SPIRE2: variants seen among roughly 807,000 people sequenced by gnomAD.
The protein encoded by SPIRE2 is spire type actin nucleation factor 2.
A neutral mutation model predicts 80.7 loss-of-function variants in SPIRE2; 76 were observed. The ratio of observed to expected loss-of-function variants is 0.94; its 90% CI spans 0.78 to 1.14. The LOEUF (loss-of-function observed/expected upper bound fraction) is 1.14. SPIRE2 is among the 50% of genes most tolerant of loss of function. The pLI, the probability that SPIRE2 is intolerant of heterozygous loss-of-function variation, is 0.00. For missense variants in SPIRE2, 1,196 were observed against 1,015.3 expected (o/e 1.18, Z -2.42); for synonymous variants, 535 against 432.6 (o/e 1.24, Z -2.94).
intron 7 of SPIRE2, among the ~76,000 whole-genome samples, chr16:89,857,296 C>G (rs1343208188): frequency 6.6e-6 from 1 of 151,720 alleles, no homozygotes; most frequent in Admixed American, 6.6e-5. Flanking sequence ...CCACCACGCC[C>G]GGCTAATTTT....
At chr16:89,866,974 C>T (rs1338784803) in intron 12 of SPIRE2, among the ~76,000 whole-genome samples, 1 of 152,042 alleles carries the variant, frequency 6.6e-6, no homozygotes, top group Non-Finnish European at 1.5e-5. Context: ...AAAATTGAAT[C>T]ACTGTTTAAA....
rs2041763877 is a variant in SPIRE2 at position 89,863,663 on chromosome 16, G to A, written c.1710+53G>A. On this transcript the variant is annotated intron_variant, in intron 11 of 14. Transcript: ENST00000378247. This position sits in a 1 kb window ranked among gnomAD's most constrained non-coding sequence, Gnocchi z 4.3. The stretch of plus-strand genomic sequence containing the variant: ...CTCTTGCCCGCTGGGTCAGGGGCGG[G>A]TGCCGAGAGGGCCAGTTCCCAGGAC... 1.2e-6 allele frequency: 2 copies of A among 1,613,498 alleles called. No homozygotes were observed. Among genetic ancestry groups the A allele is most frequent in the Middle Eastern group, 1.6e-4 (1 of 6,078 alleles).
intron 1 of SPIRE2, among the ~76,000 whole-genome samples, chr16:89,835,342 T>C (rs1038158160): frequency 2.0e-5 from 3 of 152,212 alleles, no homozygotes; most frequent in African/African-American, 7.2e-5. Context: ...TGTGCTACTG[T>C]TGAGATTCGG....
chr16:89,858,698 C>T (rs2041715249), intron 8 of SPIRE2, among the ~76,000 whole-genome samples, 191 bp downstream of exon 8: 1 of 152,212 alleles, frequency 6.6e-6, no homozygotes, highest in Admixed American at 6.5e-5. Flanking sequence ...ATCTTGGCCG[C>T]TCAGAAGGGT....
intron 7 of SPIRE2, among the ~76,000 whole-genome samples, chr16:89,856,611 ATTTT>A (rs34234430): frequency 9.0e-5 from 11 of 122,690 alleles, no homozygotes; most frequent in Admixed American, 8.3e-5. Flanking sequence ...CGCCTGGCTA[ATTTT>A]TTTTTTTTTT....
Position 89,863,081 on chromosome 16 carries a change from G to C in SPIRE2, c.1576-395G>C. 1 of 203,398 alleles carries C rather than the reference G, an allele frequency of 4.9e-6. No homozygotes were observed. The highest frequency in any genetic ancestry group is 1.0e-5 in the Non-Finnish European group (1 of 98,382). The allele number at this position is 203,398 out of a possible 1,614,324, so 12.6% of individuals were successfully genotyped here. On this transcript the variant is annotated intron_variant, in intron 10 of 14. Transcript: ENST00000378247. This position sits in a 1 kb window ranked among gnomAD's most constrained non-coding sequence, Gnocchi z 4.3. ...AGATGCAAGCTGAGGTGGCCTGTTG[G>C]AGGGTCCTGGACCTTCCAGAAAAGA...
At chr16:89,849,749 G>A (rs2041603039) in intron 2 of SPIRE2, 1 of 245,632 alleles carries the variant, frequency 4.1e-6, no homozygotes, top group Non-Finnish European at 8.0e-6. Context: ...GATTATGAAA[G>A]TCAGGGTCCC....
chr16:89,858,175 G>A (rs1033924236), intron 7 of SPIRE2, among the ~76,000 whole-genome samples, 163 bp from the exon 8 acceptor site: 3 of 152,142 alleles, frequency 2.0e-5, no homozygotes, highest in Non-Finnish European at 2.9e-5. Flanking sequence ...GTGAGCCACC[G>A]CGCCCGGCCT....
chr16:89,855,932 G>A (rs906898901), intron 6 of SPIRE2, 181 bp from the exon 7 acceptor site: 55 of 1,185,236 alleles, frequency 4.6e-5, no homozygotes, highest in African/African-American at 3.1e-4. Context: ...AGGTGCATGC[G>A]GAGCCCAGAG....
chr16:89,857,979 T>C lies in SPIRE2; in HGVS notation c.1103-359T>C, dbSNP rs549994754. On this transcript the variant is annotated intron_variant, in intron 7 of 14. Coordinates refer to ENST00000378247, the MANE Select transcript of SPIRE2 (RefSeq NM_032451.2). ...CTCACTGCAAGCTCTACCTCCTGGGTTCACGCCATTCTCCTGCCTTAGCTT... is the reference window on the plus strand; with the variant it reads ...CTCACTGCAAGCTCTACCTCCTGGGCTCACGCCATTCTCCTGCCTTAGCTT... 8.7e-5 allele frequency among the ~76,000 whole-genome samples: 13 copies of C among 148,930 alleles called. No individual in the cohort carries two copies. In the South Asian group the frequency reaches 2.8e-3, roughly 32 times the overall value.
chr16:89,855,979 C>A, intron 6 of SPIRE2, 134 bp from the exon 7 acceptor site: 3 of 1,445,750 alleles, frequency 2.1e-6, no homozygotes, highest in Non-Finnish European at 2.8e-6. Flanking sequence ...GTGGGCCTGG[C>A]AGGCTCTTCC....
At chr16:89,852,628 G>A (rs186915844) in intron 3 of SPIRE2, among the ~76,000 whole-genome samples, 4 of 18,010 alleles carry the variant, frequency 2.2e-4, no homozygotes, top group African/African-American at 9.5e-4. Context: ...CCCCTGGCCC[G>A]TCTTCCGTCC....
At chr16:89,868,399 T>A (rs1291627078) in intron 13 of SPIRE2, among the ~76,000 whole-genome samples, 183 bp downstream of exon 13, 1 of 152,222 alleles carries the variant, frequency 6.6e-6, no homozygotes. Context: ...AGGTTTTTGT[T>A]TTTAAACATT....
chr16:89,837,888 C>T (rs1249939654), intron 1 of SPIRE2, among the ~76,000 whole-genome samples: 1 of 152,230 alleles, frequency 6.6e-6, no homozygotes. Context: ...CACGGCTCAA[C>T]CACATGGTTC....
Position 89,828,665 on chromosome 16 carries a change from C to G in SPIRE2, c.115C>G (p.Gln39Glu). ...CTACGAGCAGCCGCTCAACGAGGAGCAGGCGTGGGCCGTGTGCTTCCAGGG... is the reference window on the plus strand; with the variant it reads ...CTACGAGCAGCCGCTCAACGAGGAGGAGGCGTGGGCCGTGTGCTTCCAGGG... ...KAYEQPLNEE[Q>E]AWAVCFQGCR... The change falls in exon 1 of 15, where the codon CAG becomes GAG. Residue 39 changes from glutamine (Q) to glutamate (E), a missense_variant. Physicochemically the swap from Gln to Glu is conservative, Grantham distance 29. Transcript: ENST00000378247. The surrounding 1 kb of genome is among the most constrained non-coding windows in gnomAD (Gnocchi z 5.9). The G allele has an allele frequency of 7.4e-7, 1 of 1,351,422 alleles. No homozygotes were observed. The highest frequency in any genetic ancestry group is 9.6e-7 in the Non-Finnish European group (1 of 1,042,644). 83.7% of individuals were successfully genotyped at this position (1,351,422 alleles called of 1,614,324 possible).
intron 7 of SPIRE2, 145 bp from the exon 8 acceptor site, chr16:89,858,193 C>T (rs2041709835): frequency 1.1e-6 from 1 of 925,530 alleles, no homozygotes. Context: ...CCTAGTTCCT[C>T]ATTTTTTTAA....
rs866136380 is a variant in SPIRE2 at position 89,828,669 on chromosome 16, C to T, written c.119C>T (p.Ala40Val). ...AYEQPLNEEQAWAVCFQGCRG... is the reference protein window; with the variant it reads ...AYEQPLNEEQVWAVCFQGCRG... ...GAGCAGCCGCTCAACGAGGAGCAGG[C>T]GTGGGCCGTGTGCTTCCAGGGCTGC... Residue 40 changes from alanine to valine, a missense_variant, in exon 1 of 15, where the codon GCG (alanine) becomes GTG (valine). Coordinates refer to ENST00000378247, the MANE Select transcript of SPIRE2 (RefSeq NM_032451.2). The surrounding 1 kb of genome is among the most constrained non-coding windows in gnomAD (Gnocchi z 5.9). 3.7e-6 allele frequency: 5 copies of T among 1,350,526 alleles called. No individual in the cohort carries two copies. Among genetic ancestry groups the T allele is most frequent in the East Asian group, 3.2e-5 (1 of 30,846 alleles). 83.7% of individuals were successfully genotyped at this position (1,350,526 alleles called of 1,614,324 possible). A position where few individuals can be genotyped will look rare whatever the true frequency, so the allele number is the denominator to read the frequency against.
In SPIRE2 at chr16:89,863,607, G is replaced by A; in HGVS notation, c.1707G>A (p.Gly569=). 1 of 1,614,094 alleles carries A rather than the reference G, an allele frequency of 6.2e-7. No individual in the cohort carries two copies. Among genetic ancestry groups the A allele is most frequent in the Non-Finnish European group, 8.5e-7 (1 of 1,180,042 alleles). Residue 569 remains glycine, a synonymous_variant, in exon 11 of 15, where the codon GGG becomes GGA. Transcript: ENST00000378247. The surrounding 1 kb of genome is among the most constrained non-coding windows in gnomAD (Gnocchi z 4.3). ...AGCTCTTCAGCAGTCTGAAGAAGGG[G>A]AAGGTGAGGCTGCCTAGACGTGGGG... ...NKELFSSLKK[G]KICCCCRAKF...
At chr16:89,843,093 A>G (rs1349115529) in intron 1 of SPIRE2, among the ~76,000 whole-genome samples, 1 of 152,218 alleles carries the variant, frequency 6.6e-6, no homozygotes, top group Non-Finnish European at 1.5e-5. Context: ...TCCCACCTGC[A>G]TGCCCAGTTC....
Sources: allele counts gnomAD v4.1 joint callset (sites outside exome capture counted in the v4.1 genomes callset), GRCh38; gene constraint gnomAD v4.1.1; non-coding constraint Gnocchi (gnomAD v3.1); transcripts MANE v1.5; gene names NCBI Gene and HGNC (gene_info 2026-07-23, HGNC 2026-07-21).